The following MCFD2 variants were observed in gnomAD, a reference collection of about 807,000 sequenced individuals.
MCFD2 encodes multiple coagulation factor deficiency 2, ER cargo receptor complex subunit.
A neutral mutation model predicts 12.8 loss-of-function variants in MCFD2; 11 were observed. The observed-to-expected ratio is 0.86, with a 90% CI of 0.54 to 1.42. MCFD2 has a LOEUF of 1.42. MCFD2 is among the 40% of genes most tolerant of loss of function. The pLI, the probability that MCFD2 is intolerant of heterozygous loss-of-function variation, is 0.00. For synonymous variants in MCFD2, 70 were observed against 68.1 expected (o/e 1.03, Z -0.14); for missense variants, 191 against 178.6 (o/e 1.07, Z -0.40).
chr2:46,905,542 A>C lies in MCFD2; in HGVS notation c.362T>G (p.Ile121Arg). ...GTCATCATCTCTCAAAACACCATCTATTATGTTAATCAGTTCATCTTCACT... is the reference window on the plus strand; with the variant it reads ...GTCATCATCTCTCAAAACACCATCTCTTATGTTAATCAGTTCATCTTCACT... Reference protein sequence around the residue: ...LMSEDELINIIDGVLRDDDKN... With the variant: ...LMSEDELINIRDGVLRDDDKN... Residue 121 changes from isoleucine to arginine, a missense_variant, in exon 4 of 4, where the codon ATA becomes AGA. Coordinates refer to ENST00000319466, the MANE Select transcript of MCFD2 (RefSeq NM_139279.6). 1.2e-6 allele frequency: 2 copies of C among 1,613,576 alleles called. No individual in the cohort carries two copies. The highest frequency in any genetic ancestry group is 1.7e-6 in the Non-Finnish European group (2 of 1,179,590).
At chr2:46,938,934 CT>C (rs1384582747) in intron 1 of MCFD2, among the ~76,000 whole-genome samples, 1 of 151,304 alleles carries the variant, frequency 6.6e-6, no homozygotes, top group Non-Finnish European at 1.5e-5. Flanking sequence ...TTGCTTGAAC[CT>C]GGGAGGCGGA....
rs113168797 is a variant in MCFD2 at position 46,910,618 on chromosome 2, G to T, written c.-6-1441C>A. Reference sequence around the variant, plus strand: ...CCCATCCTAAAAGGCTCTCAGGGCAGAACCCTGAAAGTGTGAGTATGCCAC... The same window carrying T: ...CCCATCCTAAAAGGCTCTCAGGGCATAACCCTGAAAGTGTGAGTATGCCAC... On this transcript the variant is annotated intron_variant, in intron 1 of 3. Transcript: ENST00000319466. Among the ~76,000 whole-genome samples the T allele has an allele frequency of 5.6e-4, 85 of 152,308 alleles. 1 individual carries two copies. The highest frequency in any genetic ancestry group is 3.4e-3 in the Middle Eastern group (1 of 294).
chr2:46,911,213 C>T (rs1462605322), intron 1 of MCFD2, among the ~76,000 whole-genome samples: 3 of 152,016 alleles, frequency 2.0e-5, no homozygotes, highest in East Asian at 1.9e-4. Flanking sequence ...CTGCAACCTC[C>T]GCTTCCCAGG....
rs768872929 is a variant in MCFD2, at chr2:46,909,020, T to C, written c.149+3A>G. On this transcript the variant is annotated splice_donor_region_variant and intron_variant, in intron 2 of 3. Transcript: ENST00000319466. ...TGGACCACAGCCCGGGCTGAATACG[T>C]ACTCTTGGTCGTGCACTGTGTTCTT... 2 of 1,614,190 alleles carry C rather than the reference T, an allele frequency of 1.2e-6. No homozygotes were observed. The highest frequency in any genetic ancestry group is 1.7e-6 in the Non-Finnish European group (2 of 1,180,020).
chr2:46,907,794 C>T lies in MCFD2; in HGVS notation c.309+16G>A. 6.2e-7 allele frequency: 1 copy of T among 1,613,798 alleles called. No homozygotes were observed. The highest frequency in any genetic ancestry group is 1.1e-5 in the South Asian group (1 of 91,070). On this transcript the variant is annotated intron_variant, in intron 3 of 3. Coordinates refer to ENST00000319466, the MANE Select transcript of MCFD2 (RefSeq NM_139279.6). This position sits in a 1 kb window ranked among gnomAD's most constrained non-coding sequence, Gnocchi z 4.1. Reference sequence around the variant, plus strand: ...CCTTTCTGTGATACAGTCCCCCAAGCCACTGCCAGACCTACCTCCTTATGG... The same window carrying T: ...CCTTTCTGTGATACAGTCCCCCAAGTCACTGCCAGACCTACCTCCTTATGG...
chr2:46,919,658 C>T (rs903747115), upstream of MCFD2, among the ~76,000 whole-genome samples: 3 of 152,210 alleles, frequency 2.0e-5, no homozygotes, highest in Non-Finnish European at 4.4e-5. Flanking sequence ...TAACAACAGT[C>T]TCTTGCTGTT....
At chr2:46,929,410 G>A (rs1484331038) in intron 1 of MCFD2, among the ~76,000 whole-genome samples, 1 of 152,112 alleles carries the variant, frequency 6.6e-6, no homozygotes, top group Non-Finnish European at 1.5e-5. Flanking sequence ...CTTGAGCCCA[G>A]AAGTTTGGGG....
chr2:46,925,697 C>T (rs547052733), intron 1 of MCFD2, among the ~76,000 whole-genome samples: 2 of 152,256 alleles, frequency 1.3e-5, no homozygotes, highest in South Asian at 4.1e-4. Flanking sequence ...CCCAAAAAAA[C>T]CCATGTTTAT....
rs550852033 is a variant in MCFD2, at chr2:46,915,800, G to C, written c.-84C>G. 89 of 690,140 alleles carry C rather than the reference G, an allele frequency of 1.3e-4. 1 individual carries two copies. In the African/African-American group the frequency reaches 2.5e-3, roughly 20 times the overall value. The allele number at this position is 690,140 out of a possible 1,614,324, so 42.8% of individuals were successfully genotyped here. On this transcript the variant is annotated 5_prime_UTR_variant, in exon 1 of 4. Coordinates refer to ENST00000319466, the MANE Select transcript of MCFD2 (RefSeq NM_139279.6). ...CCCCGTCCCCAAAACGCTCTTCCTC[G>C]GCTTCGCCCCGCCCCCCCCCCCCCC...
chr2:46,938,206 T>C (rs1670074615), intron 1 of MCFD2, among the ~76,000 whole-genome samples: 1 of 152,306 alleles, frequency 6.6e-6, no homozygotes, highest in South Asian at 2.1e-4. Flanking sequence ...AAGTCACCAA[T>C]GAAGGTGTTC....
At chr2:46,939,711 G>GT (rs1670173460) in intron 1 of MCFD2, among the ~76,000 whole-genome samples, 1 of 152,214 alleles carries the variant, frequency 6.6e-6, no homozygotes, top group African/African-American at 2.4e-5. Flanking sequence ...AATGCCAGGC[G>GT]TGGGGCAAAT....
Position 46,908,484 on chromosome 2 carries a change from G to C in MCFD2, c.150-515C>G, listed in dbSNP as rs376288386. ...TCCCTATATTGCCTAGGCTGGTCTC[G>C]AATTCCTGGGCTCAAGTAATCCACC... On this transcript the variant is annotated intron_variant, in intron 2 of 3. Coordinates refer to ENST00000319466, the MANE Select transcript of MCFD2 (RefSeq NM_139279.6). The surrounding 1 kb of genome is among the most constrained non-coding windows in gnomAD (Gnocchi z 4.5). 34 of 252,468 alleles carry C rather than the reference G, an allele frequency of 1.3e-4. 1 individual carries two copies. The East Asian group carries it at 2.5e-3, about 19-fold the overall frequency. The allele number at this position is 252,468 out of a possible 1,614,324, so 15.6% of individuals were successfully genotyped here.
At chr2:46,935,009 C>T (rs1366305196) in intron 1 of MCFD2, among the ~76,000 whole-genome samples, 1 of 151,808 alleles carries the variant, frequency 6.6e-6, no homozygotes, top group African/African-American at 2.4e-5. Context: ...TCATGTTGGC[C>T]AGGATGGTCT....
chr2:46,941,378 G>T lies in MCFD2; in HGVS notation c.-8+194C>A. ...GGGAGCTGCTGGTGCTGCTGCTGCT[G>T]CTGCTGCCCACCCTCCGCCGCCCGG... is the stretch of plus-strand genomic sequence containing the variant. On this transcript the variant is annotated intron_variant, in intron 1 of 2. Transcript: ENST00000409147. This position sits in a 1 kb window ranked among gnomAD's most constrained non-coding sequence, Gnocchi z 4.2. The T allele has an allele frequency of 2.1e-6, 1 of 471,332 alleles. No homozygotes were observed. The allele number at this position is 471,332 out of a possible 1,614,324, so 29.2% of individuals were successfully genotyped here. A position where few individuals can be genotyped will look rare whatever the true frequency, so the allele number is the denominator to read the frequency against.
upstream of MCFD2, among the ~76,000 whole-genome samples, chr2:46,919,340 C>G (rs993303567): frequency 6.6e-6 from 1 of 152,144 alleles, no homozygotes; most frequent in Non-Finnish European, 1.5e-5. Flanking sequence ...TCGAGACCAG[C>G]CTGGCCAGCA....
chr2:46,931,248 A>T (rs916836809), intron 1 of MCFD2, among the ~76,000 whole-genome samples: 7 of 152,262 alleles, frequency 4.6e-5, no homozygotes, highest in Admixed American at 1.3e-4. Context: ...CTAGCTAATT[A>T]AAAAAAATTT....
chr2:46,941,461 G>A lies in MCFD2; in HGVS notation c.-8+111C>T. ...CTGCGCCCCCGTCGACCCCGCCCGCGAGTGCGCCCCAGCCAGGACGCCGCC... is the reference window on the plus strand; with the variant it reads ...CTGCGCCCCCGTCGACCCCGCCCGCAAGTGCGCCCCAGCCAGGACGCCGCC... On this transcript the variant is annotated intron_variant, in intron 1 of 2. Transcript: ENST00000409147. This position sits in a 1 kb window ranked among gnomAD's most constrained non-coding sequence, Gnocchi z 4.2. The A allele has an allele frequency of 7.0e-7, 1 of 1,432,768 alleles. No homozygotes were observed. 88.8% of individuals were successfully genotyped at this position (1,432,768 alleles called of 1,614,324 possible). A position where few individuals can be genotyped will look rare whatever the true frequency, so the allele number is the denominator to read the frequency against.
intron 1 of MCFD2, among the ~76,000 whole-genome samples, chr2:46,927,159 G>C (rs1669427923): frequency 6.6e-6 from 1 of 151,822 alleles, no homozygotes; most frequent in African/African-American, 2.4e-5. Flanking sequence ...GAGGAGAGGA[G>C]AGAATGAGCA....
At chr2:46,930,288 AAG>A (rs58001266) in intron 1 of MCFD2, among the ~76,000 whole-genome samples, 5,054 of 152,118 alleles carry the variant, frequency 0.033, 287 homozygotes, top group African/African-American at 0.11. Flanking sequence ...AAATTTTAAA[AAG>A]AGATAATGCA....
Sources: gnomAD v4.1 joint callset for allele counts (sites outside exome capture counted in the v4.1 genomes callset) on GRCh38, gnomAD v4.1.1 for gene constraint, Gnocchi (gnomAD v3.1) non-coding constraint, MANE v1.5 for transcripts, NCBI Gene and HGNC (gene_info 2026-07-23, HGNC 2026-07-21) for gene names.